IGFL4: variants seen among roughly 807,000 people sequenced by gnomAD.
IGFL4 encodes the protein insulin growth factor-like family member 4.
Under a neutral mutation model 15.4 loss-of-function variants are expected in IGFL4, and 12 were observed. The ratio of observed to expected loss-of-function variants is 0.78; its 90% CI spans 0.50 to 1.26. The LOEUF is 1.26. IGFL4 is among the 50% of genes most tolerant of loss of function. The pLI is 0.00. For missense variants in IGFL4, 126 were observed against 147.8 expected (o/e 0.85, Z 0.76); for synonymous variants, 54 against 55.9 (o/e 0.97, Z 0.16).
intron 2 of IGFL4, among the ~76,000 whole-genome samples, chr19:46,056,795 T>G (rs1354768795): frequency 3.9e-5 from 6 of 152,258 alleles, no homozygotes; most frequent in Non-Finnish European, 8.8e-5. Flanking sequence ...ATGGAGCCCA[T>G]TACGTCATTT....
At chr19:46,054,679 C>A (rs906922990) in intron 2 of IGFL4, among the ~76,000 whole-genome samples, 10 of 151,834 alleles carry the variant, frequency 6.6e-5, no homozygotes, top group Non-Finnish European at 1.5e-4. Context: ...AAAGAATAAA[C>A]AAAGACATAA....
chr19:46,065,424 T>A (rs776229163), intron 1 of IGFL4, among the ~76,000 whole-genome samples: 1 of 152,200 alleles, frequency 6.6e-6, no homozygotes, highest in Non-Finnish European at 1.5e-5. Flanking sequence ...TGTGTTCAAG[T>A]GATTCTCCCA....
upstream of IGFL4, among the ~76,000 whole-genome samples, chr19:46,043,544 T>G (rs1423297503): frequency 6.6e-6 from 1 of 152,194 alleles, no homozygotes; most frequent in Non-Finnish European, 1.5e-5. Flanking sequence ...AATTTCACAA[T>G]TACTCCAGCT....
upstream of IGFL4, among the ~76,000 whole-genome samples, chr19:46,043,712 A>ATGTGT (rs1018164650): frequency 9.9e-5 from 15 of 152,202 alleles, no homozygotes; most frequent in Non-Finnish European, 2.1e-4. Flanking sequence ...ATTTCAACAA[A>ATGTGT]TGGTGTGGGA....
intron 2 of IGFL4, among the ~76,000 whole-genome samples, chr19:46,057,461 T>A (rs1318863156): frequency 2.0e-5 from 3 of 152,194 alleles, no homozygotes; most frequent in African/African-American, 7.2e-5. Context: ...AAATCAGCCG[T>A]GCTAACATTC....
upstream of IGFL4, among the ~76,000 whole-genome samples, chr19:46,044,725 C>T (rs963211531): frequency 1.3e-5 from 2 of 152,166 alleles, no homozygotes; most frequent in Non-Finnish European, 2.9e-5. Flanking sequence ...CTCCAGCCAC[C>T]TCCTACAGGG....
chr19:46,041,099 A>G, upstream of IGFL4: 1 of 712,630 alleles, frequency 1.4e-6, no homozygotes, highest in East Asian at 2.8e-5. Flanking sequence ...GGGAAGAGTT[A>G]GGCAAAAAGA....
intron 2 of IGFL4, among the ~76,000 whole-genome samples, chr19:46,052,720 CA>C (rs5828263): frequency 0.33 from 47,236 of 145,340 alleles, 7,644 homozygotes; most frequent in African/African-American, 0.4. Context: ...GAAACTCCGT[CA>C]AAAAAAAAAA....
chr19:46,074,970 C>A (rs1969581452), intron 1 of IGFL4, among the ~76,000 whole-genome samples: 1 of 152,178 alleles, frequency 6.6e-6, no homozygotes, highest in South Asian at 2.1e-4. Context: ...AAGGAAGTCA[C>A]AAGGTAAGCC....
chr19:46,061,397 GCT>G (rs1433081467), intron 1 of IGFL4, among the ~76,000 whole-genome samples: 2 of 152,108 alleles, frequency 1.3e-5, no homozygotes, highest in African/African-American at 2.4e-5. Context: ...ATTAATTAAA[GCT>G]CTTTTATATA....
At chr19:46,053,548 T>A (rs1969367540) in intron 2 of IGFL4, among the ~76,000 whole-genome samples, 1 of 152,190 alleles carries the variant, frequency 6.6e-6, no homozygotes, top group South Asian at 2.1e-4. Context: ...TGATTCCATA[T>A]CTTGGTTATT....
chr19:46,057,369 A>C (rs1969402609), intron 2 of IGFL4, among the ~76,000 whole-genome samples: 1 of 152,124 alleles, frequency 6.6e-6, no homozygotes, highest in African/African-American at 2.4e-5. Context: ...GTGGTTTATA[A>C]CTGGATTTGA....
chr19:46,052,133 G>A (rs760314057), intron 2 of IGFL4, among the ~76,000 whole-genome samples: 2 of 152,118 alleles, frequency 1.3e-5, no homozygotes, highest in Non-Finnish European at 1.5e-5. Context: ...AGAACAAATG[G>A]ACTTAACAGA....
At chr19:46,045,400 G>A (rs112867342), upstream of IGFL4, among the ~76,000 whole-genome samples, 23,733 of 146,320 alleles carry the variant, frequency 0.16, 2,147 homozygotes, top group East Asian at 0.27. Flanking sequence ...CTGAGATCGC[G>A]CCACTGCACT....
chr19:46,062,085 T>G (rs1329714180), intron 1 of IGFL4, among the ~76,000 whole-genome samples: 1 of 152,170 alleles, frequency 6.6e-6, no homozygotes, highest in Non-Finnish European at 1.5e-5. Flanking sequence ...GCACTTCCTG[T>G]TTTTCCCAAG....
At chr19:46,070,568 T>C (rs1969536603) in intron 1 of IGFL4, among the ~76,000 whole-genome samples, 1 of 152,154 alleles carries the variant, frequency 6.6e-6, no homozygotes, top group Non-Finnish European at 1.5e-5. Flanking sequence ...AGAAAGCTGC[T>C]GACTTAACTA....
intron 2 of IGFL4, among the ~76,000 whole-genome samples, chr19:46,056,581 A>C (rs1214240716): frequency 1.3e-5 from 2 of 152,160 alleles, no homozygotes; most frequent in African/African-American, 4.8e-5. Flanking sequence ...AATTGGAAAA[A>C]TACTGACATG....
At chr19:46,064,571 G>T (rs1428484050) in intron 1 of IGFL4, among the ~76,000 whole-genome samples, 1 of 152,100 alleles carries the variant, frequency 6.6e-6, no homozygotes, top group East Asian at 1.9e-4. Flanking sequence ...GTGAGAACAG[G>T]TGATGTTTGT....
At chr19:46,057,638 C>T (rs146129960) in intron 2 of IGFL4, 1 of 152,264 alleles carries the variant, frequency 6.6e-6, no homozygotes, top group East Asian at 1.9e-4. Context: ...CTAGTCTGCT[C>T]TCATGCTGCC....
Sources: allele counts gnomAD v4.1 joint callset (sites outside exome capture counted in the v4.1 genomes callset), GRCh38; gene constraint gnomAD v4.1.1; transcripts MANE v1.5; gene names NCBI Gene and HGNC (gene_info 2026-07-23, HGNC 2026-07-21).